SCFD1: variants seen among roughly 807,000 people sequenced by gnomAD.
The protein encoded by SCFD1 is sec1 family domain-containing protein 1.
SCFD1 carries 37 observed loss-of-function variants against 103.2 expected under a neutral mutation model. The ratio of observed to expected loss-of-function variants is 0.36; its 90% CI spans 0.28 to 0.47. The LOEUF (loss-of-function observed/expected upper bound fraction) is 0.47. Among genes scored for constraint, SCFD1 ranks in the 20% least tolerant of loss-of-function variants. SCFD1 has a pLI of 1.00. For missense variants in SCFD1, 639 were observed against 761.2 expected, an observed-to-expected ratio of 0.84 and a Z score of 1.89; for synonymous variants, 264 against 245.0, an observed-to-expected ratio of 1.08 and a Z score of -0.73.
In SCFD1 at chr14:30,709,021, T is replaced by C. The variant is rs1030941883; in HGVS notation, c.1629+956T>C. Among the ~76,000 whole-genome samples the C allele has an allele frequency of 5.3e-5, 8 of 152,344 alleles. No individual in the cohort carries two copies. The East Asian group carries it at 1.5e-3, about 29-fold the overall frequency. Reference sequence around the variant, plus strand: ...CCTTCAATTAAGTCAGTATCCATTCTTGTTTCATCTATCCCATTTGTGTTT... The same window carrying C: ...CCTTCAATTAAGTCAGTATCCATTCCTGTTTCATCTATCCCATTTGTGTTT... On this transcript the variant is annotated intron_variant, in intron 19 of 24. Transcript: ENST00000458591.
intron 14 of SCFD1, among the ~76,000 whole-genome samples, chr14:30,684,724 T>C (rs1018892192): frequency 4.1e-5 from 6 of 146,536 alleles, no homozygotes; most frequent in African/African-American, 1.3e-4. Flanking sequence ...TTTACTCACT[T>C]ATTCTTTTTT....
At chr14:30,628,098 G>A in intron 1 of SCFD1, 111 bp from the exon 2 acceptor site, 2 of 685,588 alleles carry the variant, frequency 2.9e-6, no homozygotes, top group Non-Finnish European at 5.0e-6. Flanking sequence ...TGGTTAATCA[G>A]TTTTACTAGA....
chr14:30,704,272 C>A (rs773552518), intron 17 of SCFD1, among the ~76,000 whole-genome samples: 1 of 151,992 alleles, frequency 6.6e-6, no homozygotes, highest in Non-Finnish European at 1.5e-5. Flanking sequence ...CAGTCCTGGG[C>A]TCATGATCCT....
chr14:30,625,138 G>C (rs1029087064), intron 1 of SCFD1, among the ~76,000 whole-genome samples: 1 of 151,944 alleles, frequency 6.6e-6, no homozygotes, highest in African/African-American at 2.4e-5. Context: ...CTTGAGGACA[G>C]GCGATTTTAT....
At chr14:30,656,975 T>C (rs991764721) in intron 10 of SCFD1, among the ~76,000 whole-genome samples, 1 of 152,112 alleles carries the variant, frequency 6.6e-6, no homozygotes, top group Non-Finnish European at 1.5e-5. Flanking sequence ...TTAATGGGCA[T>C]AATAAGATAG....
At chr14:30,637,282 CT>C (rs1403138100) in intron 4 of SCFD1, among the ~76,000 whole-genome samples, 2 of 152,084 alleles carry the variant, frequency 1.3e-5, no homozygotes, top group Non-Finnish European at 2.9e-5. Flanking sequence ...TAGCGTTTCC[CT>C]TTTCTCTTTA....
At chr14:30,709,277 G>A (rs1594745211) in intron 19 of SCFD1, among the ~76,000 whole-genome samples, 1 of 151,990 alleles carries the variant, frequency 6.6e-6, no homozygotes, top group Non-Finnish European at 1.5e-5. Context: ...ATCTTTATTT[G>A]TGGTTTAATA....
chr14:30,654,451 A>G (rs1051806613), intron 10 of SCFD1, among the ~76,000 whole-genome samples: 1 of 152,256 alleles, frequency 6.6e-6, no homozygotes, highest in Admixed American at 6.5e-5. Context: ...AGGCAGGCGG[A>G]TCACATGAGG....
At chr14:30,734,959 C>A in intron 24 of SCFD1, 101 bp downstream of exon 24, 2 of 900,070 alleles carry the variant, frequency 2.2e-6, no homozygotes, top group South Asian at 1.5e-5. Flanking sequence ...CCTGAACCAG[C>A]CGAAACCAAA....
chr14:30,634,787 G>T lies in SCFD1; in HGVS notation c.312+750G>T, dbSNP rs186001420. On this transcript the variant is annotated intron_variant, in intron 4 of 24. Coordinates refer to ENST00000458591, the MANE Select transcript of SCFD1 (RefSeq NM_016106.4). The stretch of plus-strand genomic sequence containing the variant: ...TTTTCCTTGTCTTGCTTGTCGCTGC[G>T]CCTGTAGGCATCAAATCTATGTTCA... 2.1e-3 allele frequency: 974 copies of T among 455,896 alleles called. 3 individuals are homozygous for T. The highest frequency in any genetic ancestry group is 5.7e-3 in the Admixed American group (242 of 42,544). The allele number at this position is 455,896 out of a possible 1,614,324, so 28.2% of individuals were successfully genotyped here.
At chr14:30,722,642 C>T in intron 23 of SCFD1, 83 bp downstream of exon 23, 2 of 694,346 alleles carry the variant, frequency 2.9e-6, no homozygotes, top group Non-Finnish European at 4.6e-6. Flanking sequence ...CTATCCTGAT[C>T]CTTCTATAAC....
chr14:30,701,868 C>T (rs1160562957), intron 16 of SCFD1, among the ~76,000 whole-genome samples: 4 of 151,928 alleles, frequency 2.6e-5, no homozygotes, highest in African/African-American at 9.7e-5. Context: ...AATCTGGACC[C>T]CTAGAATGAA....
At chr14:30,724,601 C>G (rs1892914749) in intron 23 of SCFD1, among the ~76,000 whole-genome samples, 1 of 152,042 alleles carries the variant, frequency 6.6e-6, no homozygotes, top group Non-Finnish European at 1.5e-5. Flanking sequence ...GGATATTAGA[C>G]CTTTGCTGGA....
At chr14:30,692,319 A>G (rs1890373236) in intron 14 of SCFD1, among the ~76,000 whole-genome samples, 1 of 152,212 alleles carries the variant, frequency 6.6e-6, no homozygotes, top group Non-Finnish European at 1.5e-5. Context: ...AGTTTTAGAA[A>G]GACACATAAA....
Position 30,650,605 on chromosome 14 carries a change from G to T in SCFD1, c.710G>T (p.Arg237Ile). Reference protein sequence around the residue: ...KKLRENLRDARNSLFTGDTLG... With the variant: ...KKLRENLRDAINSLFTGDTLG... ...CTTCGAGAAAATCTAAGAGATGCAAGAAACAGTCTTTTTACAGGTGATACA... is the reference window on the plus strand; with the variant it reads ...CTTCGAGAAAATCTAAGAGATGCAATAAACAGTCTTTTTACAGGTGATACA... The change falls in exon 9 of 25, where the codon AGA becomes ATA. Residue 237 changes from arginine to isoleucine, a missense_variant. By Grantham distance (97) the Arg-to-Ile change is moderately conservative (BLOSUM62 -3). Coordinates refer to ENST00000458591, the MANE Select transcript of SCFD1 (RefSeq NM_016106.4). 1 of 1,610,698 alleles carries T rather than the reference G, an allele frequency of 6.2e-7. No homozygotes were observed. The highest frequency in any genetic ancestry group is 8.5e-7 in the Non-Finnish European group (1 of 1,177,424).
intron 20 of SCFD1, among the ~76,000 whole-genome samples, chr14:30,717,975 T>A (rs1892400758): frequency 6.6e-6 from 1 of 152,142 alleles, no homozygotes; most frequent in Admixed American, 6.5e-5. Context: ...AGTATTATTA[T>A]TTTCATTTTA....
intron 1 of SCFD1, among the ~76,000 whole-genome samples, chr14:30,622,744 C>G (rs1882981951): frequency 6.6e-6 from 1 of 152,166 alleles, no homozygotes; most frequent in Non-Finnish European, 1.5e-5. Flanking sequence ...GTGCGTGGTT[C>G]AGTTCTCCTG....
chr14:30,671,915 T>G (rs1221650273), intron 11 of SCFD1, among the ~76,000 whole-genome samples: 1 of 151,178 alleles, frequency 6.6e-6, no homozygotes, highest in Non-Finnish European at 1.5e-5. Context: ...TAAGTTATGA[T>G]AGTTACCTCA....
chr14:30,683,509 G>T, intron 14 of SCFD1: 2 of 313,036 alleles, frequency 6.4e-6, no homozygotes, highest in East Asian at 2.1e-4. Flanking sequence ...TTTTGCCCAT[G>T]GGACCCCCAG....
Sources: gnomAD v4.1 joint callset for allele counts (sites outside exome capture counted in the v4.1 genomes callset) on GRCh38, gnomAD v4.1.1 for gene constraint, MANE v1.5 for transcripts, NCBI Gene and HGNC (gene_info 2026-07-23, HGNC 2026-07-21) for gene names.